MUCL1: variants seen among roughly 807,000 people sequenced by gnomAD.
MUCL1 encodes the protein mucin-like protein 1.
In MUCL1, 11 loss-of-function variants were observed where a neutral mutation model predicts 9.2. That is an observed-to-expected ratio of 1.19 (90% confidence interval 0.75 to 1.97). The LOEUF (loss-of-function observed/expected upper bound fraction) is 1.97. MUCL1 is among the 30% of genes most tolerant of loss of function. The pLI is 0.00. For synonymous variants in MUCL1, 48 were observed against 40.5 expected, an observed-to-expected ratio of 1.19 and a Z score of -0.71; for missense variants, 144 against 110.9, an observed-to-expected ratio of 1.30 and a Z score of -1.34.
chr12:54,846,068 T>A (rs1025445880), intron 1 of MUCL1, among the ~76,000 whole-genome samples: 5 of 152,206 alleles, frequency 3.3e-5, no homozygotes, highest in African/African-American at 4.8e-5. Context: ...CTTGCACTTG[T>A]CCTTCGAGCC....
intron 1 of MUCL1, among the ~76,000 whole-genome samples, chr12:54,839,791 C>T (rs1338432636): frequency 6.6e-6 from 1 of 152,286 alleles, no homozygotes; most frequent in African/African-American, 2.4e-5. Context: ...TGTACAGGTG[C>T]ACCCATGCTC....
chr12:54,843,593 G>T (rs1959224982), intron 1 of MUCL1, among the ~76,000 whole-genome samples: 1 of 152,116 alleles, frequency 6.6e-6, no homozygotes, highest in East Asian at 1.9e-4. Context: ...TAATCGCAAG[G>T]GTCTTTTAAA....
At chr12:54,839,156 A>T (rs545349018), upstream of MUCL1, among the ~76,000 whole-genome samples, 92 of 151,758 alleles carry the variant, frequency 6.1e-4, no homozygotes, top group Non-Finnish European at 1.0e-3. Context: ...TTAGAACTTA[A>T]TTTGGCTCTG....
rs768184512 is a variant in MUCL1, at chr12:54,855,114, A to G, written c.59-2A>G. On this transcript the variant is annotated splice_acceptor_variant, in intron 1 of 3. Transcript: ENST00000308796. LOFTEE classifies it high-confidence loss of function. ...TCTTAATTTTTCCTTCTTCTCTTTC[A>G]GAGAATCCGACAACAGCTGCTCCAG... The G allele has an allele frequency of 9.3e-6, 15 of 1,612,984 alleles. No individual in the cohort carries two copies. The highest frequency in any genetic ancestry group is 1.2e-5 in the Non-Finnish European group (14 of 1,179,498).
At chr12:54,851,258 G>A (rs1007197581), upstream of MUCL1, among the ~76,000 whole-genome samples, 2 of 152,106 alleles carry the variant, frequency 1.3e-5, no homozygotes, top group African/African-American at 4.8e-5. Flanking sequence ...GAATGGTATT[G>A]CCTAGGTTTT....
upstream of MUCL1, chr12:54,839,334 C>A (rs1015406066): frequency 5.7e-6 from 4 of 699,688 alleles, no homozygotes; most frequent in East Asian, 8.0e-5. Context: ...GTGGCACACA[C>A]TTATTTATTT....
At chr12:54,844,229 C>A (rs1243808288) in intron 1 of MUCL1, among the ~76,000 whole-genome samples, 1 of 151,986 alleles carries the variant, frequency 6.6e-6, no homozygotes, top group African/African-American at 2.4e-5. Context: ...CTTGATGAAG[C>A]TACCTGGGGC....
chr12:54,849,139 A>G (rs1959299567), intron 1 of MUCL1, among the ~76,000 whole-genome samples: 1 of 152,156 alleles, frequency 6.6e-6, no homozygotes, highest in South Asian at 2.1e-4. Flanking sequence ...ATGGTTTATA[A>G]TTTAAGGCCA....
intron 1 of MUCL1, among the ~76,000 whole-genome samples, chr12:54,845,174 G>T (rs1027922543): frequency 1.3e-5 from 2 of 148,806 alleles, no homozygotes; most frequent in Non-Finnish European, 3.0e-5. Flanking sequence ...ATGGCCTCAA[G>T]GTAGTTAACA....
upstream of MUCL1, among the ~76,000 whole-genome samples, chr12:54,836,404 T>C (rs1959193139): frequency 6.6e-6 from 1 of 152,158 alleles, no homozygotes; most frequent in African/African-American, 2.4e-5. Context: ...TAATCTTGAA[T>C]TATCTTTTGT....
chr12:54,856,662 A>G, intron 2 of MUCL1, 108 bp from the exon 3 acceptor site: 4 of 1,425,936 alleles, frequency 2.8e-6, no homozygotes, highest in Non-Finnish European at 3.8e-6. Flanking sequence ...CTGATGACAG[A>G]TTTGCAGAGA....
rs913645815 is a variant in MUCL1 at position 54,839,430 on chromosome 12, T to A, written c.26T>A (p.Leu9Gln). 4.3e-6 allele frequency: 3 copies of A among 702,116 alleles called. No individual in the cohort carries two copies. In the East Asian group the frequency reaches 8.0e-5, roughly 19 times the overall value. The allele number at this position is 702,116 out of a possible 1,614,324, so 43.5% of individuals were successfully genotyped here. The change falls in exon 1 of 4, where the codon CTG becomes CAG. Residue 9 changes from leucine (L) to glutamine (Q), a missense_variant. Physicochemically the swap from Leu to Gln is moderately radical, Grantham distance 113. Coordinates refer to the MUCL1 transcript ENST00000546809. ...ATGGGAGGTGACCATGGGTATCAACTGGCAGTGACTAAAGCAGGTGGGTAA... is the reference window on the plus strand; with the variant it reads ...ATGGGAGGTGACCATGGGTATCAACAGGCAGTGACTAAAGCAGGTGGGTAA...
At chr12:54,856,712 G>A (rs1868301946) in intron 2 of MUCL1, 58 bp from the exon 3 acceptor site, 3 of 1,554,582 alleles carry the variant, frequency 1.9e-6, no homozygotes, top group African/African-American at 2.7e-5. Context: ...CCCTGGGTGG[G>A]ATAAATTTTG....
chr12:54,856,334 C>G (rs1187664352), intron 2 of MUCL1, among the ~76,000 whole-genome samples: 1 of 152,170 alleles, frequency 6.6e-6, no homozygotes, highest in Non-Finnish European at 1.5e-5. Context: ...CTCCTTCCCT[C>G]TAGAGTTCAT....
At chr12:54,854,439 C>T (rs569866997), upstream of MUCL1, 3 of 618,662 alleles carry the variant, frequency 4.8e-6, no homozygotes, top group South Asian at 6.5e-5. Flanking sequence ...CTGGCATTAC[C>T]TAACCTGGAT....
At chr12:54,850,128 C>T (rs1049530641), upstream of MUCL1, among the ~76,000 whole-genome samples, 12 of 152,156 alleles carry the variant, frequency 7.9e-5, no homozygotes, top group African/African-American at 2.7e-4. Context: ...TCCCTCAACC[C>T]TAGGGTTTCA....
upstream of MUCL1, among the ~76,000 whole-genome samples, chr12:54,837,782 A>G (rs1959195607): frequency 6.6e-6 from 1 of 151,666 alleles, no homozygotes; most frequent in African/African-American, 2.4e-5. Flanking sequence ...AAAAACAAAA[A>G]CAAAAACAAA....
At position 54,854,618 on chromosome 12, in the gene MUCL1, T is replaced by A. The variant is rs146493607; in HGVS notation, c.36T>A (p.Val12=). 2 of 1,613,406 alleles carry A rather than the reference T, an allele frequency of 1.2e-6. No individual in the cohort carries two copies. The highest frequency in any genetic ancestry group is 2.7e-5 in the African/African-American group (2 of 74,882). ...TAGCAGTCCTGGTACTCTTGGGAGT[T>A]TCCATCTTTCTGGTCTCTGCCCGTA... The part of the protein sequence containing the change: ...KFLAVLVLLG[V]SIFLVSAQNP... The change falls in exon 1 of 4, where the codon GTT becomes GTA. Residue 12 remains valine (V), a synonymous_variant. Transcript: ENST00000308796.
intron 1 of MUCL1, among the ~76,000 whole-genome samples, chr12:54,845,166 G>A (rs993488733): frequency 9.9e-5 from 15 of 151,508 alleles, no homozygotes; most frequent in Non-Finnish European, 2.2e-4. Flanking sequence ...TCAGTATGAT[G>A]GCCTCAAGGT....
Sources: gnomAD v4.1 joint callset for allele counts (sites outside exome capture counted in the v4.1 genomes callset) on GRCh38, gnomAD v4.1.1 for gene constraint, MANE v1.5 for transcripts, NCBI Gene and HGNC (gene_info 2026-07-23, HGNC 2026-07-21) for gene names.